The following SLIT2 variants were observed in gnomAD, a reference collection of about 807,000 sequenced individuals.
SLIT2 encodes the protein slit guidance ligand 2.
A neutral mutation model predicts 185.7 loss-of-function variants in SLIT2; 41 were observed. The ratio of observed to expected loss-of-function variants is 0.22; its 90% CI spans 0.17 to 0.29. The LOEUF is 0.29. Among genes scored for constraint, SLIT2 ranks in the 10% least tolerant of loss-of-function variants. The pLI is 1.00. For synonymous variants in SLIT2, 693 were observed against 680.2 expected, an observed-to-expected ratio of 1.02 and a Z score of -0.29; for missense variants, 1,571 against 1,909.0, an observed-to-expected ratio of 0.82 and a Z score of 3.30.
intron 33 of SLIT2, 128 bp downstream of exon 33, chr4:20,598,523 T>G: frequency 9.6e-7 from 1 of 1,036,724 alleles, no homozygotes; most frequent in African/African-American, 1.6e-5. Flanking sequence ...GATGAGGGTA[T>G]TAGTGAAAAA....
rs1275264295 is a variant in SLIT2 at position 20,567,505 on chromosome 4, C to T, written c.2851-13C>T. ...ACTACTTCACTCGACTATACTTGCCCCTTCTTCTCCAGGGGCAGGACTGTG... is the reference window on the plus strand; with the variant it reads ...ACTACTTCACTCGACTATACTTGCCTCTTCTTCTCCAGGGGCAGGACTGTG... On this transcript the variant is annotated splice_polypyrimidine_tract_variant and intron_variant, in intron 27 of 36. Transcript: ENST00000504154. The T allele has an allele frequency of 1.9e-6, 3 of 1,612,310 alleles. No individual in the cohort carries two copies. In the African/African-American group the frequency reaches 4.0e-5, roughly 22 times the overall value.
intron 4 of SLIT2, among the ~76,000 whole-genome samples, chr4:20,405,843 G>A (rs571136811): frequency 2.9e-4 from 44 of 151,684 alleles, no homozygotes; most frequent in Non-Finnish European, 4.3e-4. Flanking sequence ...AAGATGACTC[G>A]AATACATATA....
chr4:20,522,751 A>G (rs1244008834), intron 12 of SLIT2, among the ~76,000 whole-genome samples: 4 of 152,210 alleles, frequency 2.6e-5, no homozygotes, highest in Non-Finnish European at 4.4e-5. Context: ...ATAAGACTAC[A>G]GCCTATACTA....
intron 33 of SLIT2, among the ~76,000 whole-genome samples, chr4:20,604,645 C>G (rs1394903743): frequency 2.6e-5 from 4 of 152,020 alleles, no homozygotes; most frequent in Admixed American, 2.6e-4. Context: ...CTGCGCCCAG[C>G]CTACATAGAT....
chr4:20,420,805 T>C (rs1342975436), intron 4 of SLIT2, among the ~76,000 whole-genome samples: 1 of 152,120 alleles, frequency 6.6e-6, no homozygotes, highest in Non-Finnish European at 1.5e-5. Context: ...CCAGGGGCTC[T>C]CATGATGGGA....
chr4:20,525,113 G>T, intron 14 of SLIT2, 36 bp from the exon 15 acceptor site: 1 of 1,536,234 alleles, frequency 6.5e-7, no homozygotes, highest in Non-Finnish European at 9.0e-7. Context: ...TGACATTCAG[G>T]TGCATCTTCT....
At chr4:20,558,625 G>A (rs902634128) in intron 26 of SLIT2, among the ~76,000 whole-genome samples, 1 of 152,010 alleles carries the variant, frequency 6.6e-6, no homozygotes, top group African/African-American at 2.4e-5. Context: ...AGGTCTGCCT[G>A]TACATACATT....
At chr4:20,345,398 G>A (rs1388169852) in intron 4 of SLIT2, among the ~76,000 whole-genome samples, 2 of 151,976 alleles carry the variant, frequency 1.3e-5, no homozygotes, top group South Asian at 2.1e-4. Flanking sequence ...TCCAGGTCCA[G>A]CATCCTATTG....
At chr4:20,530,098 ATTT>A (rs34101661) in intron 16 of SLIT2, among the ~76,000 whole-genome samples, 1 of 147,940 alleles carries the variant, frequency 6.8e-6, no homozygotes, top group Non-Finnish European at 1.5e-5. Context: ...AGTTATAGTG[ATTT>A]TTTTTTTTTT....
intron 4 of SLIT2, among the ~76,000 whole-genome samples, chr4:20,461,075 G>C (rs1484128597): frequency 1.3e-5 from 2 of 152,192 alleles, no homozygotes; most frequent in Non-Finnish European, 2.9e-5. Context: ...ACTTTGCACA[G>C]CATCACATAG....
At chr4:20,388,082 C>T (rs192092421) in intron 4 of SLIT2, among the ~76,000 whole-genome samples, 90 of 152,234 alleles carry the variant, frequency 5.9e-4, no homozygotes, top group Non-Finnish European at 2.5e-4. Context: ...AAGGGAATTT[C>T]CAAAAACTGA....
chr4:20,334,550 G>A (rs1720338140), intron 4 of SLIT2, among the ~76,000 whole-genome samples: 1 of 152,128 alleles, frequency 6.6e-6, no homozygotes, highest in South Asian at 2.1e-4. Context: ...TATGAACTCA[G>A]TTAAGACAAA....
chr4:20,391,270 C>G (rs936878339), intron 4 of SLIT2, among the ~76,000 whole-genome samples: 8 of 151,924 alleles, frequency 5.3e-5, no homozygotes, highest in Admixed American at 1.3e-4. Flanking sequence ...TGCACATAAC[C>G]CATCTCAAAA....
At chr4:20,521,973 T>G (rs1720881552) in intron 12 of SLIT2, among the ~76,000 whole-genome samples, 2 of 152,176 alleles carry the variant, frequency 1.3e-5, no homozygotes, top group African/African-American at 4.8e-5. Flanking sequence ...ATCAAAGCAC[T>G]GAACTAAATA....
At chr4:20,258,716 C>T (rs6447951) in intron 3 of SLIT2, among the ~76,000 whole-genome samples, 55,162 of 151,350 alleles carry the variant, frequency 0.36, 10,551 homozygotes, top group East Asian at 0.69. Context: ...AATTGAAGTA[C>T]GAATTGTATG....
At chr4:20,618,743 G>A in intron 36 of SLIT2, 25 bp from the exon 37 acceptor site, 9 of 1,564,982 alleles carry the variant, frequency 5.8e-6, no homozygotes, top group Non-Finnish European at 7.8e-6. Context: ...TTCTTAAAAT[G>A]CTTGTGCTTT....
intron 4 of SLIT2, among the ~76,000 whole-genome samples, chr4:20,305,422 T>A (rs1454917272): frequency 2.6e-5 from 4 of 152,238 alleles, no homozygotes; most frequent in African/African-American, 9.6e-5. Context: ...TTCTTTCTAT[T>A]AAATTTAAGC....
At chr4:20,407,148 A>G (rs1386067896) in intron 4 of SLIT2, among the ~76,000 whole-genome samples, 1 of 152,198 alleles carries the variant, frequency 6.6e-6, no homozygotes, top group Non-Finnish European at 1.5e-5. Flanking sequence ...AGGGAGATAA[A>G]TGACTGAAAA....
chr4:20,306,395 C>T (rs1380079774), intron 4 of SLIT2, among the ~76,000 whole-genome samples: 1 of 152,118 alleles, frequency 6.6e-6, no homozygotes, highest in Non-Finnish European at 1.5e-5. Context: ...GTAGCTTATG[C>T]TCCTTTCCCA....
Sources: allele counts gnomAD v4.1 joint callset (sites outside exome capture counted in the v4.1 genomes callset), GRCh38; gene constraint gnomAD v4.1.1; transcripts MANE v1.5; gene names NCBI Gene and HGNC (gene_info 2026-07-23, HGNC 2026-07-21).